The following UQCC1 variants were observed in gnomAD, a reference collection of about 807,000 sequenced individuals.
UQCC1 encodes bFGF-repressed Zic-binding protein.
Under a neutral mutation model 48.0 loss-of-function variants are expected in UQCC1, and 38 were observed. The ratio of observed to expected loss-of-function variants is 0.79; its 90% CI spans 0.61 to 1.04. The LOEUF (loss-of-function observed/expected upper bound fraction) is 1.04, where lower values mean the gene tolerates loss of function less well. UQCC1 is among the 50% of genes least tolerant of loss of function. The probability of loss-of-function intolerance (pLI) is 0.00; values close to 1 mark genes in which losing one functional copy is unlikely to be tolerated. For missense variants in UQCC1, 368 were observed against 381.8 expected, an observed-to-expected ratio of 0.96 and a Z score of 0.30; for synonymous variants, 111 against 129.2, an observed-to-expected ratio of 0.86 and a Z score of 0.95.
intron 5 of UQCC1, among the ~76,000 whole-genome samples, chr20:35,370,654 C>A (rs1475650729): frequency 1.3e-5 from 2 of 152,222 alleles, no homozygotes; most frequent in Non-Finnish European, 2.9e-5. Flanking sequence ...AAAAAATTTA[C>A]TTTCTCCCTA....
At chr20:35,366,535 T>G (rs1392194763) in intron 6 of UQCC1, 22 bp downstream of exon 6, 1 of 1,610,926 alleles carries the variant, frequency 6.2e-7, no homozygotes, top group Non-Finnish European at 8.5e-7. Flanking sequence ...ATTTGGTGAC[T>G]TCATTTAAAT....
At chr20:35,324,925 G>C (rs1449848227) in intron 7 of UQCC1, among the ~76,000 whole-genome samples, 1 of 152,166 alleles carries the variant, frequency 6.6e-6, no homozygotes, top group Non-Finnish European at 1.5e-5. Flanking sequence ...TAGCCAAAAG[G>C]TGGAAACAAC....
rs1238588333 is a variant in UQCC1 at position 35,338,826 on chromosome 20, C to A, written c.573+8338G>T. Among the ~76,000 whole-genome samples the A allele has an allele frequency of 2.4e-5, 3 of 122,756 alleles. No individual in the cohort carries two copies. In the Admixed American group the frequency reaches 3.1e-4, roughly 13 times the overall value. The allele number at this position is 122,756 out of a possible 152,430, so 80.5% of individuals were successfully genotyped here. A position where few individuals can be genotyped will look rare whatever the true frequency, so the allele number is the denominator to read the frequency against. Reference sequence around the variant, plus strand: ...CACCACACAACACTGAACTCCAGACCGGGCGAGAAAGCAAGACTCCGTCTC... The same window carrying A: ...CACCACACAACACTGAACTCCAGACAGGGCGAGAAAGCAAGACTCCGTCTC... On this transcript the variant is annotated intron_variant, in intron 7 of 9. Coordinates refer to ENST00000374385, the MANE Select transcript of UQCC1 (RefSeq NM_018244.5).
chr20:35,389,694 T>C (rs2061990441), intron 2 of UQCC1, among the ~76,000 whole-genome samples: 1 of 152,252 alleles, frequency 6.6e-6, no homozygotes, highest in South Asian at 2.1e-4. Context: ...AGCTCTTTCT[T>C]ACAACAGAGT....
At chr20:35,388,027 C>A (rs1294062600) in intron 2 of UQCC1, among the ~76,000 whole-genome samples, 1 of 151,522 alleles carries the variant, frequency 6.6e-6, no homozygotes, top group East Asian at 1.9e-4. Flanking sequence ...TGTGCCCAGG[C>A]TGGAATGCGG....
At chr20:35,351,368 G>A (rs1220995718) in intron 6 of UQCC1, among the ~76,000 whole-genome samples, 2 of 147,630 alleles carry the variant, frequency 1.4e-5, no homozygotes, top group Non-Finnish European at 3.0e-5. Flanking sequence ...CTCCAGCCTG[G>A]GCAACAGGGC....
intron 1 of UQCC1, among the ~76,000 whole-genome samples, chr20:35,401,271 A>T (rs961433981): frequency 6.6e-6 from 1 of 152,190 alleles, no homozygotes; most frequent in Non-Finnish European, 1.5e-5. Context: ...TTACCTAACA[A>T]ACATATTTTC....
At chr20:35,312,234 C>T (rs2061002389) in intron 8 of UQCC1, among the ~76,000 whole-genome samples, 1 of 152,092 alleles carries the variant, frequency 6.6e-6, no homozygotes, top group Admixed American at 6.5e-5. Context: ...AGCAATAATT[C>T]TCAATTCCCA....
intron 1 of UQCC1, among the ~76,000 whole-genome samples, chr20:35,401,115 A>G (rs2062158049): frequency 6.6e-6 from 1 of 152,230 alleles, no homozygotes; most frequent in Admixed American, 6.5e-5. Context: ...AGGTTCCTGG[A>G]AGCCTCTGGT....
At chr20:35,345,605 C>CG (rs1310964617) in intron 7 of UQCC1, 1 of 151,998 alleles carries the variant, frequency 6.6e-6, no homozygotes, top group Non-Finnish European at 1.5e-5. Context: ...GCGAAGGATA[C>CG]GCATCAACTC....
In UQCC1 at chr20:35,322,732, A is replaced by AAAAAAC. The variant is rs538020583; in HGVS notation, c.574-7973_574-7968dup. Among the ~76,000 whole-genome samples, 589 of 152,224 alleles carry AAAAAAC rather than the reference A, an allele frequency of 3.9e-3. 7 individuals carry two copies. Among genetic ancestry groups the AAAAAAC allele is most frequent in the East Asian group, 0.036 (187 of 5,176 alleles). On this transcript the variant is annotated intron_variant, in intron 7 of 9. Transcript: ENST00000374385. ...TGGCAACTGAGCAAGACTCTGTCTC[A>AAAAAAC]AAAAACAAAAACAAAAACAAAAACA...
At chr20:35,381,866 C>A in intron 4 of UQCC1, 52 bp downstream of exon 4, 1 of 1,046,418 alleles carries the variant, frequency 9.6e-7, no homozygotes, top group South Asian at 1.4e-5. Context: ...CTATTAGGAG[C>A]AGAAAGCACA....
intron 7 of UQCC1, among the ~76,000 whole-genome samples, chr20:35,326,438 C>G (rs2061194913): frequency 6.6e-6 from 1 of 152,176 alleles, no homozygotes; most frequent in South Asian, 2.1e-4. Context: ...CTTCATGTCT[C>G]CTATGTTGTG....
rs1042236145 is a variant in UQCC1 at position 35,382,099 on chromosome 20, G to A, written c.226-74C>T. On this transcript the variant is annotated intron_variant, in intron 3 of 9. Coordinates refer to ENST00000374385, the MANE Select transcript of UQCC1 (RefSeq NM_018244.5). Reference sequence around the variant, plus strand: ...AATAGAATGCTTTGTTCCTCATCAGGTCTGAGAGCATTTTTTTTTTAAATA... The same window carrying A: ...AATAGAATGCTTTGTTCCTCATCAGATCTGAGAGCATTTTTTTTTTAAATA... 16 of 898,684 alleles carry A rather than the reference G, an allele frequency of 1.8e-5. No individual in the cohort carries two copies. In the African/African-American group the frequency reaches 2.5e-4, roughly 14 times the overall value. 55.7% of individuals were successfully genotyped at this position (898,684 alleles called of 1,614,324 possible).
At chr20:35,386,862 C>T (rs978014935) in intron 2 of UQCC1, among the ~76,000 whole-genome samples, 4 of 151,774 alleles carry the variant, frequency 2.6e-5, no homozygotes, top group African/African-American at 9.7e-5. Flanking sequence ...AGTTTCTCCA[C>T]ACCTACACAC....
intron 6 of UQCC1, among the ~76,000 whole-genome samples, chr20:35,366,209 T>C (rs2061664751): frequency 6.6e-6 from 1 of 152,208 alleles, no homozygotes; most frequent in Non-Finnish European, 1.5e-5. Context: ...CCACGGATTC[T>C]CACAATTCAA....
At chr20:35,361,496 A>G (rs1204905188) in intron 6 of UQCC1, among the ~76,000 whole-genome samples, 2 of 152,180 alleles carry the variant, frequency 1.3e-5, no homozygotes, top group South Asian at 2.1e-4. Flanking sequence ...GGCACGAAAT[A>G]AATTTGTCTG....
chr20:35,334,462 C>T (rs1156474785), intron 7 of UQCC1, among the ~76,000 whole-genome samples: 1 of 152,214 alleles, frequency 6.6e-6, no homozygotes, highest in Non-Finnish European at 1.5e-5. Context: ...TTTATCCACA[C>T]TGTTCCTCTG....
At chr20:35,392,163 C>T (rs1218931804) in intron 2 of UQCC1, 2 of 1,093,908 alleles carry the variant, frequency 1.8e-6, no homozygotes, top group Admixed American at 2.3e-5. Context: ...TCACACATCC[C>T]ATTATGCACA....
Sources: allele counts gnomAD v4.1 joint callset (sites outside exome capture counted in the v4.1 genomes callset), GRCh38; gene constraint gnomAD v4.1.1; transcripts MANE v1.5; gene names NCBI Gene and HGNC (gene_info 2026-07-23, HGNC 2026-07-21).